NSMCE2: variants seen among roughly 807,000 people sequenced by gnomAD.
The protein encoded by NSMCE2 is E3 SUMO-protein ligase NSE2.
Under a neutral mutation model 23.8 loss-of-function variants are expected in NSMCE2, and 24 were observed. That is an observed-to-expected ratio of 1.01 (90% CI 0.73 to 1.42). The LOEUF (loss-of-function observed/expected upper bound fraction) is 1.42. NSMCE2 is among the 40% of genes most tolerant of loss of function. NSMCE2 has a pLI of 0.00. For missense variants in NSMCE2, 284 were observed against 296.5 expected, an observed-to-expected ratio of 0.96 and a Z score of 0.31; for synonymous variants, 92 against 94.1, an observed-to-expected ratio of 0.98 and a Z score of 0.13.
intron 5 of NSMCE2, among the ~76,000 whole-genome samples, chr8:125,297,901 C>T (rs1411728316): frequency 6.6e-6 from 1 of 152,058 alleles, no homozygotes; most frequent in African/African-American, 2.4e-5. Flanking sequence ...AAAATGAATA[C>T]ATACACTTCA....
intron 5 of NSMCE2, among the ~76,000 whole-genome samples, chr8:125,351,659 T>A (rs942205466): frequency 1.3e-5 from 2 of 152,218 alleles, no homozygotes; most frequent in African/African-American, 4.8e-5. Context: ...ACTGATTTAA[T>A]CCAATTGTTG....
chr8:125,316,593 TTTCTTTCC>T (rs1236078630), intron 5 of NSMCE2, among the ~76,000 whole-genome samples: 1 of 151,888 alleles, frequency 6.6e-6, no homozygotes, highest in African/African-American at 2.4e-5. Flanking sequence ...TTTTCTTTTC[TTTCTTTCC>T]TTCTTTCCTT....
At chr8:125,156,947 T>G (rs1294609887) in intron 4 of NSMCE2, among the ~76,000 whole-genome samples, 1 of 152,192 alleles carries the variant, frequency 6.6e-6, no homozygotes, top group Non-Finnish European at 1.5e-5. Context: ...GGTTGGAAGT[T>G]ACCATTTTAG....
At chr8:125,260,249 A>C (rs767892547) in intron 5 of NSMCE2, among the ~76,000 whole-genome samples, 24 of 152,182 alleles carry the variant, frequency 1.6e-4, no homozygotes, top group Non-Finnish European at 3.1e-4. Context: ...ACCTGGAAGA[A>C]TCTAGTTCCT....
intron 3 of NSMCE2, among the ~76,000 whole-genome samples, chr8:125,142,662 T>C (rs1363558342): frequency 6.6e-6 from 1 of 151,904 alleles, no homozygotes. Context: ...TGGAGGACAG[T>C]GGTGCTATCT....
chr8:125,097,812 G>A (rs1382024870), intron 1 of NSMCE2, among the ~76,000 whole-genome samples: 1 of 152,168 alleles, frequency 6.6e-6, no homozygotes. Flanking sequence ...TATGATTTAA[G>A]TCTTGGTGAA....
At chr8:125,122,594 A>G (rs1165340665) in intron 3 of NSMCE2, among the ~76,000 whole-genome samples, 1 of 152,052 alleles carries the variant, frequency 6.6e-6, no homozygotes, top group Non-Finnish European at 1.5e-5. Flanking sequence ...TGAGGGCACC[A>G]ATTCATCTTT....
At chr8:125,348,339 T>G (rs1812870819) in intron 5 of NSMCE2, 1 of 152,220 alleles carries the variant, frequency 6.6e-6, no homozygotes, top group African/African-American at 2.4e-5. Context: ...TTTGTTGAAA[T>G]TTATGTTTGT....
intron 5 of NSMCE2, among the ~76,000 whole-genome samples, chr8:125,287,262 G>A (rs1827939189): frequency 6.6e-6 from 1 of 152,184 alleles, no homozygotes; most frequent in Admixed American, 6.5e-5. Context: ...AACCTGTTAG[G>A]TAGAGGTTGC....
intron 5 of NSMCE2, among the ~76,000 whole-genome samples, chr8:125,294,994 C>T (rs892502903): frequency 1.3e-5 from 2 of 152,166 alleles, no homozygotes; most frequent in Non-Finnish European, 2.9e-5. Flanking sequence ...TGTGATCCAT[C>T]AGTCTGTGTC....
intron 3 of NSMCE2, among the ~76,000 whole-genome samples, chr8:125,107,741 T>C (rs1818534791): frequency 6.6e-6 from 1 of 152,170 alleles, no homozygotes; most frequent in African/African-American, 2.4e-5. Context: ...CTTAAAATTA[T>C]GATGTAAATA....
rs150964562 is a variant in NSMCE2, at chr8:125,340,943, C to G, written c.419-16276C>G. ...ATTTCTCTGCCTCCTTGATGTTCAC[C>G]TTTCATTTATTTTTAGCCTGCCTCC... On this transcript the variant is annotated intron_variant, in intron 5 of 7. Transcript: ENST00000287437. Among the ~76,000 whole-genome samples, 280 of 152,250 alleles carry G rather than the reference C, an allele frequency of 1.8e-3. 1 individual carries two copies. The highest frequency in any genetic ancestry group is 6.1e-3 in the African/African-American group (255 of 41,552).
intron 5 of NSMCE2, among the ~76,000 whole-genome samples, chr8:125,337,340 CTT>C: frequency 6.6e-6 from 1 of 152,270 alleles, no homozygotes; most frequent in East Asian, 1.9e-4. Flanking sequence ...TCCATTGACT[CTT>C]ATAAAATAAT....
intron 5 of NSMCE2, among the ~76,000 whole-genome samples, chr8:125,262,962 T>G (rs1458848251): frequency 6.6e-6 from 1 of 152,208 alleles, no homozygotes; most frequent in Non-Finnish European, 1.5e-5. Flanking sequence ...TTTATATTGT[T>G]CTCTTGAACT....
intron 5 of NSMCE2, among the ~76,000 whole-genome samples, chr8:125,298,703 T>TTG (rs1828432361): frequency 6.6e-6 from 1 of 151,394 alleles, no homozygotes; most frequent in Non-Finnish European, 1.5e-5. Flanking sequence ...TTTTGTTTTT[T>TTG]TTTTTTTTTC....
rs746545242 is a variant in NSMCE2 at position 125,357,769 on chromosome 8, G to T, written c.577G>T (p.Ala193Ser). The T allele has an allele frequency of 6.2e-6, 10 of 1,614,084 alleles. No homozygotes were observed. Among genetic ancestry groups the T allele is most frequent in the Non-Finnish European group, 8.5e-6 (10 of 1,179,962 alleles). ...KVCGHTYEEDAIVRMIESRQK... is the reference protein window; with the variant it reads ...KVCGHTYEEDSIVRMIESRQK... Reference sequence around the variant, plus strand: ...GTGTGGCCACACCTATGAAGAGGACGCCATTGTTCGCATGATTGAGTCCAG... The same window carrying T: ...GTGTGGCCACACCTATGAAGAGGACTCCATTGTTCGCATGATTGAGTCCAG... The change falls in exon 7 of 8, where the codon GCC becomes TCC. Residue 193 changes from alanine to serine, a missense_variant. Transcript: ENST00000287437.
At chr8:125,333,943 G>C (rs1829979490) in intron 5 of NSMCE2, among the ~76,000 whole-genome samples, 1 of 152,136 alleles carries the variant, frequency 6.6e-6, no homozygotes, top group African/African-American at 2.4e-5. Flanking sequence ...AATGGCAGAG[G>C]CCTGCTCAGA....
At chr8:125,177,536 C>T (rs1008791879) in intron 4 of NSMCE2, among the ~76,000 whole-genome samples, 4 of 152,150 alleles carry the variant, frequency 2.6e-5, no homozygotes, top group Non-Finnish European at 2.9e-5. Context: ...ATAATTTACT[C>T]GTTCACCCAC....
intron 5 of NSMCE2, among the ~76,000 whole-genome samples, chr8:125,303,633 G>A (rs1002134318): frequency 3.3e-5 from 5 of 152,132 alleles, no homozygotes; most frequent in African/African-American, 9.7e-5. Flanking sequence ...TGCACTGTAA[G>A]TACTGTTAAC....
Sources: allele counts gnomAD v4.1 joint callset (sites outside exome capture counted in the v4.1 genomes callset), GRCh38; gene constraint gnomAD v4.1.1; transcripts MANE v1.5; gene names NCBI Gene and HGNC (gene_info 2026-07-23, HGNC 2026-07-21).